SEMA6A: variants seen among roughly 807,000 people sequenced by gnomAD.
SEMA6A encodes the protein semaphorin 6A.
SEMA6A carries 25 observed loss-of-function variants against 96.8 expected under a neutral mutation model. The observed-to-expected ratio is 0.26, with a 90% CI of 0.19 to 0.36. The LOEUF is 0.36. SEMA6A is among the 10% of genes least tolerant of loss of function. SEMA6A has a pLI of 1.00. For synonymous variants in SEMA6A, 612 were observed against 518.0 expected (o/e 1.18, Z -2.46); for missense variants, 1,363 against 1,323.1 (o/e 1.03, Z -0.47).
intron 1 of SEMA6A, among the ~76,000 whole-genome samples, chr5:116,545,345 G>A (rs112749269): frequency 0.13 from 19,166 of 152,048 alleles, 1,385 homozygotes; most frequent in Middle Eastern, 0.29. Flanking sequence ...TGAGGTGGGC[G>A]GATCACCTGA....
chr5:116,570,590 A>G (rs1471655220), intron 1 of SEMA6A, among the ~76,000 whole-genome samples: 1 of 152,242 alleles, frequency 6.6e-6, no homozygotes, highest in African/African-American at 2.4e-5. Context: ...AGCATTTGCA[A>G]TTAGCTTAGC....
intron 1 of SEMA6A, among the ~76,000 whole-genome samples, chr5:116,546,256 A>G (rs1760180892): frequency 6.6e-6 from 1 of 152,242 alleles, no homozygotes; most frequent in Non-Finnish European, 1.5e-5. Context: ...ACAAGCTCAG[A>G]GTCACAGGCT....
chr5:116,460,644 T>C (rs1262980122), intron 18 of SEMA6A, among the ~76,000 whole-genome samples: 4 of 152,208 alleles, frequency 2.6e-5, no homozygotes, highest in Non-Finnish European at 5.9e-5. Context: ...TTCAGGTGTA[T>C]CTGCAATTCA....
In SEMA6A at chr5:116,467,623, A is replaced by G. The variant is rs1481712711; in HGVS notation, c.1854T>C (p.Pro618=). 1 of 1,613,260 alleles carries G rather than the reference A, an allele frequency of 6.2e-7. No individual in the cohort carries two copies. Among genetic ancestry groups the G allele is most frequent in the African/African-American group, 1.3e-5 (1 of 74,798 alleles). Residue 618 remains proline, a synonymous_variant, in exon 18 of 19, where the codon CCT becomes CCC. Coordinates refer to ENST00000343348, the MANE Select transcript of SEMA6A (RefSeq NM_020796.5). ...GATTATGGGAAGACACTGCCCCCAAAGGGTCTGTGCTGTCAGGTGAGTCAA... is the reference window on the plus strand; with the variant it reads ...GATTATGGGAAGACACTGCCCCCAAGGGGTCTGTGCTGTCAGGTGAGTCAA... ...HLLDSPDSTD[P]LGAVSSHNHQ...
At chr5:116,560,284 T>C (rs1281407928) in intron 1 of SEMA6A, among the ~76,000 whole-genome samples, 1 of 152,192 alleles carries the variant, frequency 6.6e-6, no homozygotes, top group Non-Finnish European at 1.5e-5. Context: ...AGTCAGGCCT[T>C]AGACTAGAAA....
In SEMA6A at chr5:116,486,739, G is replaced by C; in HGVS notation, c.962+10C>G. The C allele has an allele frequency of 6.2e-7, 1 of 1,607,504 alleles. No individual in the cohort carries two copies. The highest frequency in any genetic ancestry group is 8.5e-7 in the Non-Finnish European group (1 of 1,174,020). ...AATTGATGAGGTCAACACAGCTAGG[G>C]CATGATTACCTGTTATAAGGTGTAG... On this transcript the variant is annotated intron_variant, in intron 10 of 18. Transcript: ENST00000343348.
chr5:116,496,275 T>C lies in SEMA6A; in HGVS notation c.318A>G (p.Thr106=). ...TWKSRQADVD[T]CRMKGKHKDE... ...CCTTATGTTTTCCCTTCATTCTGCA[T>C]GTGTCTACATCGGCCTGTCTAGATT... is the stretch of plus-strand genomic sequence containing the variant. The change falls in exon 5 of 19, where the codon ACA becomes ACG. Residue 106 remains threonine, a synonymous_variant. Transcript: ENST00000343348. 6.2e-7 allele frequency: 1 copy of C among 1,613,698 alleles called. No homozygotes were observed. Among genetic ancestry groups the C allele is most frequent in the Non-Finnish European group, 8.5e-7 (1 of 1,179,778 alleles).
intron 17 of SEMA6A, chr5:116,472,563 T>C (rs1469307331): frequency 2.0e-5 from 5 of 251,442 alleles, no homozygotes; most frequent in African/African-American, 6.8e-5. Flanking sequence ...AGGAGCATTA[T>C]TCCTTTGTCT....
intron 1 of SEMA6A, among the ~76,000 whole-genome samples, chr5:116,537,752 G>A (rs1759782426): frequency 6.7e-6 from 1 of 150,348 alleles, no homozygotes; most frequent in African/African-American, 2.5e-5. Context: ...TAGAAAAAAA[G>A]AGAGAAAAGA....
intron 17 of SEMA6A, chr5:116,467,949 G>A (rs991298393): frequency 1.4e-4 from 79 of 576,714 alleles, no homozygotes; most frequent in Middle Eastern, 1.3e-3. Context: ...CATTGAACTT[G>A]TAGTTAGAAA....
chr5:116,531,560 G>C (rs995085593), intron 1 of SEMA6A, among the ~76,000 whole-genome samples: 1 of 152,142 alleles, frequency 6.6e-6, no homozygotes, highest in African/African-American at 2.4e-5. Context: ...CCTTGCTCCT[G>C]TTAGATATAG....
At chr5:116,565,591 T>C (rs1036466805) in intron 1 of SEMA6A, among the ~76,000 whole-genome samples, 1 of 152,260 alleles carries the variant, frequency 6.6e-6, no homozygotes, top group Non-Finnish European at 1.5e-5. Flanking sequence ...CAATTTGGTT[T>C]CTATTTATCG....
intron 18 of SEMA6A, among the ~76,000 whole-genome samples, chr5:116,448,170 T>TAAAAA (rs59202921): frequency 0.014 from 1,619 of 119,382 alleles, 43 homozygotes; most frequent in African/African-American, 0.05. Flanking sequence ...CCGTCTCTAC[T>TAAAAA]AAAAAAAAAA....
chr5:116,474,202 T>C (rs1178775374), intron 16 of SEMA6A, among the ~76,000 whole-genome samples: 1 of 151,996 alleles, frequency 6.6e-6, no homozygotes, highest in Admixed American at 6.6e-5. Flanking sequence ...GACACCACTA[T>C]TGCAAGTAAT....
chr5:116,446,361 C>T lies in SEMA6A; in HGVS notation c.*252G>A. The T allele has an allele frequency of 2.6e-6, 1 of 377,528 alleles. No homozygotes were observed. The highest frequency in any genetic ancestry group is 4.7e-6 in the Non-Finnish European group (1 of 211,770). 23.4% of individuals were successfully genotyped at this position (377,528 alleles called of 1,614,324 possible). A position where few individuals can be genotyped will look rare whatever the true frequency, so the allele number is the denominator to read the frequency against. ...TAACTGAAGTCTTTTGTGGGTCCGA[C>T]CTGTTGTAGGGTGTGGGGGAAAGTG... On this transcript the variant is annotated 3_prime_UTR_variant, in exon 19 of 19. Transcript: ENST00000343348.
intron 1 of SEMA6A, among the ~76,000 whole-genome samples, chr5:116,521,026 A>C (rs1758923641): frequency 6.6e-6 from 1 of 152,204 alleles, no homozygotes; most frequent in Admixed American, 6.5e-5. Flanking sequence ...ATCCTCATTC[A>C]TTGTCTCCCA....
chr5:116,486,113 G>A (rs149968199), intron 10 of SEMA6A, among the ~76,000 whole-genome samples: 1 of 152,298 alleles, frequency 6.6e-6, no homozygotes, highest in East Asian at 1.9e-4. Flanking sequence ...AGATTCTGGT[G>A]CTGTGGTTGG....
At chr5:116,452,360 A>G (rs1754691290) in intron 18 of SEMA6A, among the ~76,000 whole-genome samples, 2 of 152,114 alleles carry the variant, frequency 1.3e-5, no homozygotes, top group African/African-American at 4.8e-5. Context: ...ACCCTGGCTT[A>G]GAGATTTCTC....
intron 18 of SEMA6A, among the ~76,000 whole-genome samples, chr5:116,462,080 A>G (rs1216200310): frequency 1.3e-5 from 2 of 152,192 alleles, no homozygotes; most frequent in East Asian, 1.9e-4. Context: ...AATCACTTAC[A>G]TATGACTTGA....
Sources: gnomAD v4.1 joint callset for allele counts (sites outside exome capture counted in the v4.1 genomes callset) on GRCh38, gnomAD v4.1.1 for gene constraint, MANE v1.5 for transcripts, NCBI Gene and HGNC (gene_info 2026-07-23, HGNC 2026-07-21) for gene names.